Variants in WDR43 observed in about 807,000 individuals in gnomAD.
WDR43 encodes WD repeat-containing protein 43.
A neutral mutation model predicts 91.4 loss-of-function variants in WDR43; 13 were observed. The observed-to-expected ratio is 0.14, with a 90% confidence interval of 0.09 to 0.23. The LOEUF is 0.23. Ranked by LOEUF, WDR43 falls within the 10% of genes least tolerant of loss-of-function variation. The pLI, the probability that WDR43 is intolerant of heterozygous loss-of-function variation, is 1.00. For missense variants in WDR43, 780 were observed against 809.4 expected (o/e 0.96, Z 0.44); for synonymous variants, 331 against 287.9 (o/e 1.15, Z -1.51).
chr2:28,935,454 T>C, intron 11 of WDR43, 67 bp from the exon 12 acceptor site: 4 of 1,168,340 alleles, frequency 3.4e-6, no homozygotes, highest in Non-Finnish European at 4.9e-6. Flanking sequence ...TTACAGACTT[T>C]TTTTTTTCTG....
At chr2:28,910,678 A>AATATATATATATATAT (rs71403628) in intron 3 of WDR43, among the ~76,000 whole-genome samples, 5,991 of 142,322 alleles carry the variant, frequency 0.042, 309 homozygotes, top group Admixed American at 0.16. Flanking sequence ...TGTGTGTGTA[A>AATATATATATATATAT]ATATATATAT....
At chr2:28,946,152 A>G (rs1671538794) in intron 16 of WDR43, among the ~76,000 whole-genome samples, 1 of 152,134 alleles carries the variant, frequency 6.6e-6, no homozygotes, top group South Asian at 2.1e-4. Flanking sequence ...CCTGGGCAAC[A>G]TGGTGAAACC....
intron 16 of WDR43, among the ~76,000 whole-genome samples, chr2:28,943,209 C>G (rs547195554): frequency 4.6e-5 from 7 of 151,900 alleles, no homozygotes; most frequent in Non-Finnish European, 7.4e-5. Flanking sequence ...TCAATCATAG[C>G]TCACTGCAGC....
chr2:28,916,901 T>C (rs1670921192), intron 5 of WDR43, among the ~76,000 whole-genome samples: 1 of 151,864 alleles, frequency 6.6e-6, no homozygotes, highest in South Asian at 2.1e-4. Context: ...TTTAAAGATA[T>C]CTTATTTAAT....
Position 28,915,925 on chromosome 2 carries a change from C to T in WDR43, c.746+1717C>T, listed in dbSNP as rs1161682527. On this transcript the variant is annotated intron_variant, in intron 5 of 17. Transcript: ENST00000407426. ...ATTTATCAGATCAACTCTTAATTTT[C>T]TTCTGAACTCCAAAGAAGCTGATTT... 2.6e-5 allele frequency among the ~76,000 whole-genome samples: 4 copies of T among 152,160 alleles called. No individual in the cohort carries two copies. The East Asian group carries it at 7.7e-4, about 29-fold the overall frequency.
At chr2:28,906,360 G>T in intron 2 of WDR43, 100 bp from the exon 3 acceptor site, 1 of 1,221,214 alleles carries the variant, frequency 8.2e-7, no homozygotes, top group Non-Finnish European at 1.1e-6. Context: ...ACTGGCTCAT[G>T]CCTGTAATCC....
intron 11 of WDR43, chr2:28,930,166 A>G (rs768302753): frequency 6.4e-6 from 3 of 468,894 alleles, no homozygotes; most frequent in African/African-American, 4.0e-5. Flanking sequence ...GGTTTGGGGG[A>G]AAATTCAAGA....
intron 7 of WDR43, among the ~76,000 whole-genome samples, chr2:28,923,618 T>G (rs900100816): frequency 6.6e-6 from 1 of 152,166 alleles, no homozygotes; most frequent in African/African-American, 2.4e-5. Flanking sequence ...AGGAATTTAT[T>G]TAAATATAAA....
At chr2:28,946,417 A>G (rs1448846261) in intron 16 of WDR43, 33 bp from the exon 17 acceptor site, 1 of 1,591,164 alleles carries the variant, frequency 6.3e-7, no homozygotes. Flanking sequence ...GTTTTGTTCT[A>G]AAATTAAGGC....
chr2:28,919,490 A>G (rs1282533221), intron 6 of WDR43, among the ~76,000 whole-genome samples: 2 of 152,100 alleles, frequency 1.3e-5, no homozygotes, highest in Non-Finnish European at 2.9e-5. Context: ...CCCTGTCTCT[A>G]CTAAAAATAC....
intron 6 of WDR43, among the ~76,000 whole-genome samples, chr2:28,920,091 C>A (rs1029164270): frequency 4.6e-5 from 7 of 152,050 alleles, no homozygotes; most frequent in African/African-American, 1.7e-4. Flanking sequence ...AGTGATCCGC[C>A]TGTCTCGGCC....
intron 1 of WDR43, among the ~76,000 whole-genome samples, chr2:28,898,306 C>G (rs1049153094): frequency 6.6e-6 from 1 of 152,186 alleles, no homozygotes; most frequent in Non-Finnish European, 1.5e-5. Flanking sequence ...AGTTGGGTAT[C>G]TGCATTACCA....
chr2:28,894,970 C>A (rs767322659), intron 1 of WDR43, 47 bp downstream of exon 1: 3 of 1,460,688 alleles, frequency 2.1e-6, no homozygotes, highest in South Asian at 1.4e-5. Context: ...CCGGGCTCGG[C>A]TTCGGGCCTC....
At chr2:28,894,960 C>A in intron 1 of WDR43, 37 bp downstream of exon 1, 1 of 1,485,520 alleles carries the variant, frequency 6.7e-7, no homozygotes, top group Non-Finnish European at 9.0e-7. Context: ...GGGCGCCTTC[C>A]CGGGCTCGGC....
At chr2:28,897,706 C>G (rs1369519310) in intron 1 of WDR43, among the ~76,000 whole-genome samples, 1 of 152,182 alleles carries the variant, frequency 6.6e-6, no homozygotes, top group African/African-American at 2.4e-5. Flanking sequence ...GATGATAACT[C>G]ATCAATGGAG....
intron 1 of WDR43, 85 bp from the exon 2 acceptor site, chr2:28,901,902 G>A: frequency 7.6e-7 from 1 of 1,317,928 alleles, no homozygotes. Flanking sequence ...GTCTTTTGTG[G>A]GCTGGTGGGC....
At chr2:28,896,033 A>G in intron 1 of WDR43, among the ~76,000 whole-genome samples, 1 of 152,210 alleles carries the variant, frequency 6.6e-6, no homozygotes, top group Non-Finnish European at 1.5e-5. Context: ...CTACATTTTC[A>G]TAGTTTATCC....
At chr2:28,907,356 C>A (rs561029084) in intron 3 of WDR43, among the ~76,000 whole-genome samples, 1 of 150,516 alleles carries the variant, frequency 6.6e-6, no homozygotes, top group African/African-American at 2.4e-5. Context: ...AGTGCAGTGG[C>A]TCATGCCTGT....
At chr2:28,932,051 A>AT (rs1671258598) in intron 11 of WDR43, among the ~76,000 whole-genome samples, 1 of 151,854 alleles carries the variant, frequency 6.6e-6, no homozygotes, top group South Asian at 2.1e-4. Flanking sequence ...AATTTTTAAA[A>AT]TTTTTTTGGT....
Sources: gnomAD v4.1 joint callset for allele counts (sites outside exome capture counted in the v4.1 genomes callset) on GRCh38, gnomAD v4.1.1 for gene constraint, MANE v1.5 for transcripts, NCBI Gene and HGNC (gene_info 2026-07-23, HGNC 2026-07-21) for gene names.